Variants in KDM1B observed in about 807,000 individuals in gnomAD.
KDM1B encodes the protein lysine-specific histone demethylase 2.
KDM1B carries 63 observed loss-of-function variants against 107.4 expected under a neutral mutation model. The observed-to-expected ratio is 0.59, with a 90% CI of 0.48 to 0.72. KDM1B has a LOEUF of 0.72. Ranked by LOEUF, KDM1B falls within the 30% of genes least tolerant of loss-of-function variation. The pLI is 0.00. For missense variants in KDM1B, 749 were observed against 1,020.8 expected (o/e 0.73, Z 3.63); for synonymous variants, 363 against 363.9 (o/e 1.00, Z 0.03).
chr6:18,187,033 T>G (rs1174281559), intron 8 of KDM1B, among the ~76,000 whole-genome samples: 1 of 151,766 alleles, frequency 6.6e-6, no homozygotes, highest in East Asian at 1.9e-4. Flanking sequence ...AGACATTTTT[T>G]TTTTCCCCGA....
At chr6:18,176,374 G>A (rs973303941) in intron 7 of KDM1B, among the ~76,000 whole-genome samples, 5 of 151,972 alleles carry the variant, frequency 3.3e-5, no homozygotes, top group African/African-American at 1.2e-4. Context: ...TAGGATTTTC[G>A]GGGTAAACGA....
chr6:18,179,044 C>T (rs763538338), intron 7 of KDM1B, among the ~76,000 whole-genome samples: 4 of 152,300 alleles, frequency 2.6e-5, no homozygotes, highest in African/African-American at 7.2e-5. Flanking sequence ...GGCTATAGCT[C>T]TTTGTAGACA....
At chr6:18,167,901 T>C (rs112852176) in intron 6 of KDM1B, among the ~76,000 whole-genome samples, 1,867 of 152,182 alleles carry the variant, frequency 0.012, 35 homozygotes, top group African/African-American at 0.042. Context: ...CAGCTGGAAC[T>C]ATAGAGTGCA....
chr6:18,167,478 TA>T (rs539847000), intron 6 of KDM1B, among the ~76,000 whole-genome samples: 17 of 152,130 alleles, frequency 1.1e-4, no homozygotes, highest in Non-Finnish European at 2.4e-4. Flanking sequence ...AATGATTTGC[TA>T]TTTTTTTTTT....
intron 9 of KDM1B, among the ~76,000 whole-genome samples, chr6:18,188,219 TA>T (rs1482469890): frequency 6.6e-6 from 1 of 152,176 alleles, no homozygotes; most frequent in East Asian, 1.9e-4. Context: ...ATCTCGTCTC[TA>T]AAAATAAATA....
At chr6:18,220,797 A>G (rs1024126522) in intron 21 of KDM1B, among the ~76,000 whole-genome samples, 3 of 143,076 alleles carry the variant, frequency 2.1e-5, no homozygotes, top group East Asian at 2.1e-4. Flanking sequence ...TTTGAGATGG[A>G]GTCTCGCTGT....
At position 18,197,784 on chromosome 6, in the gene KDM1B, A is replaced by G. The variant is rs1220914100; in HGVS notation, c.1221+123A>G. 3 of 605,376 alleles carry G rather than the reference A, an allele frequency of 5.0e-6. No individual in the cohort carries two copies. The Admixed American group carries it at 1.1e-4, about 21-fold the overall frequency. 37.5% of individuals were successfully genotyped at this position (605,376 alleles called of 1,614,324 possible). A position where few individuals can be genotyped will look rare whatever the true frequency, so the allele number is the denominator to read the frequency against. On this transcript the variant is annotated intron_variant, in intron 12 of 21. Transcript: ENST00000650836. The surrounding 1 kb of genome is among the most constrained non-coding windows in gnomAD (Gnocchi z 4.5). ...AATACTAAATACATTATATGTTTAT[A>G]TTAGGTCCTAGAAAAGTTATAAAAC...
At chr6:18,171,154 C>A (rs1785638774) in intron 6 of KDM1B, among the ~76,000 whole-genome samples, 2 of 152,150 alleles carry the variant, frequency 1.3e-5, no homozygotes, top group South Asian at 4.1e-4. Context: ...CTCAGATCCC[C>A]TTGGCACTTT....
intron 9 of KDM1B, among the ~76,000 whole-genome samples, chr6:18,190,380 C>T (rs1787193950): frequency 7.1e-6 from 1 of 141,664 alleles, no homozygotes; most frequent in African/African-American, 2.7e-5. Context: ...ATCACGAGGT[C>T]AGGAGATCAA....
At position 18,201,403 on chromosome 6, in the gene KDM1B, G is replaced by A. The variant is rs1788022009; in HGVS notation, c.1360-83G>A. Reference sequence around the variant, plus strand: ...ATATGAGACCATTTTCTCCATGAGAGCTCTGTCTGATTTTCAGCTTAGAAC... The same window carrying A: ...ATATGAGACCATTTTCTCCATGAGAACTCTGTCTGATTTTCAGCTTAGAAC... On this transcript the variant is annotated intron_variant, in intron 13 of 21. Transcript: ENST00000650836. The surrounding 1 kb of genome is among the most constrained non-coding windows in gnomAD (Gnocchi z 4.3). The A allele has an allele frequency of 4.1e-6, 4 of 986,224 alleles. No homozygotes were observed. The highest frequency in any genetic ancestry group is 4.5e-6 in the Non-Finnish European group (3 of 673,894). 61.1% of individuals were successfully genotyped at this position (986,224 alleles called of 1,614,324 possible).
intron 7 of KDM1B, among the ~76,000 whole-genome samples, chr6:18,184,197 TTTTG>T (rs1786671748): frequency 1.3e-5 from 2 of 151,636 alleles, no homozygotes; most frequent in Admixed American, 1.3e-4. Flanking sequence ...AATCATATAG[TTTTG>T]TTTTGTTTTG....
chr6:18,184,000 G>T (rs1453712893), intron 7 of KDM1B, among the ~76,000 whole-genome samples: 6 of 151,906 alleles, frequency 3.9e-5, no homozygotes, highest in Admixed American at 3.3e-4. Context: ...TTTTCTTAGT[G>T]AAATATACAA....
At position 18,204,415 on chromosome 6, in the gene KDM1B, A is replaced by C. The variant is rs1023465980; in HGVS notation, c.1532-1122A>C. Among the ~76,000 whole-genome samples the C allele has an allele frequency of 2.0e-5, 3 of 152,164 alleles. No individual in the cohort carries two copies. The highest frequency in any genetic ancestry group is 7.2e-5 in the African/African-American group (3 of 41,430). On this transcript the variant is annotated intron_variant, in intron 14 of 21. Transcript: ENST00000650836. This position sits in a 1 kb window ranked among gnomAD's most constrained non-coding sequence, Gnocchi z 4.9. Reference sequence around the variant, plus strand: ...CTGGAGCCCCGGAAGTTGAGGCTGCAGTGAGTCGGAATGGCACCACAGCAC... The same window carrying C: ...CTGGAGCCCCGGAAGTTGAGGCTGCCGTGAGTCGGAATGGCACCACAGCAC...
chr6:18,210,586 C>G (rs145302659), intron 17 of KDM1B, among the ~76,000 whole-genome samples: 2 of 151,782 alleles, frequency 1.3e-5, no homozygotes, highest in Non-Finnish European at 2.9e-5. Context: ...GTCTTGAACT[C>G]GTGGTCTTAA....
At position 18,212,509 on chromosome 6, in the gene KDM1B, G is replaced by A; in HGVS notation, c.1888G>A (p.Ala630Thr). 1 of 1,612,742 alleles carries A rather than the reference G, an allele frequency of 6.2e-7. No individual in the cohort carries two copies. Among genetic ancestry groups the A allele is most frequent in the Middle Eastern group, 1.6e-4 (1 of 6,062 alleles). Residue 630 changes from alanine (A) to threonine (T), a missense_variant, in exon 18 of 22, where the codon GCT (alanine) becomes ACT (threonine). Transcript: ENST00000650836. The surrounding 1 kb of genome is among the most constrained non-coding windows in gnomAD (Gnocchi z 5.2). ...ACAGGTATTAGTCACTGTACCACTG[G>A]CTTTACTACAGAAAGGTGCCATTCA... ...AQKVLVTVPL[A>T]LLQKGAIQFN...
chr6:18,173,368 T>C (rs901014505), intron 7 of KDM1B, among the ~76,000 whole-genome samples: 1 of 152,206 alleles, frequency 6.6e-6, no homozygotes, highest in Admixed American at 6.5e-5. Flanking sequence ...AAGTTTTTTT[T>C]AAATTGGGTT....
chr6:18,184,273 C>CTTTTTTTTTTTTTTTTTTTTTTT, intron 7 of KDM1B, among the ~76,000 whole-genome samples: 1 of 116,674 alleles, frequency 8.6e-6, no homozygotes, highest in Non-Finnish European at 1.7e-5. Flanking sequence ...GTTCTAGCTT[C>CTTTTTTTTTTTTTTTTTTTTTTT]TTTTTTTTTT....
At chr6:18,206,251 C>A (rs1433053105) in intron 15 of KDM1B, among the ~76,000 whole-genome samples, 1 of 151,750 alleles carries the variant, frequency 6.6e-6, no homozygotes, top group Non-Finnish European at 1.5e-5. Context: ...TGCAGTGGCT[C>A]CCTTCTGTAA....
rs1426006729 is a variant in KDM1B, at chr6:18,215,073, G to A, written c.2176G>A (p.Asp726Asn). 1.3e-5 allele frequency: 21 copies of A among 1,613,762 alleles called. No homozygotes were observed. The highest frequency in any genetic ancestry group is 2.2e-5 in the East Asian group (1 of 44,862). ...TGTCGCATCCGTGAGGACCCTGGAT[G>A]ACAAACAGGTGCTGCAGCAGTGCAT... is the stretch of plus-strand genomic sequence containing the variant. ...EAVASVRTLD[D>N]KQVLQQCMAT... The change falls in exon 20 of 22, where the codon GAC (aspartate) becomes AAC (asparagine). Residue 726 changes from aspartate to asparagine, a missense_variant. By Grantham distance (23) the Asp-to-Asn change is conservative. Transcript: ENST00000650836.
Sources: allele counts gnomAD v4.1 joint callset (sites outside exome capture counted in the v4.1 genomes callset), GRCh38; gene constraint gnomAD v4.1.1; non-coding constraint Gnocchi (gnomAD v3.1); transcripts MANE v1.5; gene names NCBI Gene and HGNC (gene_info 2026-07-23, HGNC 2026-07-21).